HNRNPD: variants seen among roughly 807,000 people sequenced by gnomAD.
The protein encoded by HNRNPD is heterogeneous nuclear ribonucleoprotein D.
A neutral mutation model predicts 47.9 loss-of-function variants in HNRNPD; 3 were observed. The observed-to-expected ratio is 0.06, with a 90% CI of 0.03 to 0.16. The LOEUF (loss-of-function observed/expected upper bound fraction) is 0.16, where lower values mean the gene tolerates loss of function less well. HNRNPD is among the 10% of genes least tolerant of loss of function. The probability of loss-of-function intolerance (pLI) is 1.00; values close to 1 mark genes in which losing one functional copy is unlikely to be tolerated. For missense variants in HNRNPD, 287 were observed against 454.2 expected (o/e 0.63, Z 3.35); for synonymous variants, 171 against 165.1 (o/e 1.04, Z -0.28).
chr4:82,369,407 A>C (rs1719920455), intron 2 of HNRNPD, among the ~76,000 whole-genome samples: 2 of 152,238 alleles, frequency 1.3e-5, no homozygotes, highest in Non-Finnish European at 2.9e-5. Context: ...TGTAACAGGC[A>C]TGCCTTCCTA....
chr4:82,360,263 T>C (rs1723906217), intron 2 of HNRNPD, among the ~76,000 whole-genome samples: 1 of 152,142 alleles, frequency 6.6e-6, no homozygotes, highest in Non-Finnish European at 1.5e-5. Context: ...ATGATTCGTT[T>C]ACAGTAGAAC....
At chr4:82,361,304 C>T (rs1348796203) in intron 2 of HNRNPD, among the ~76,000 whole-genome samples, 1 of 152,126 alleles carries the variant, frequency 6.6e-6, no homozygotes, top group Non-Finnish European at 1.5e-5. Context: ...AAGTTATTTA[C>T]CAACATTCAC....
intron 8 of HNRNPD, chr4:82,355,007 G>A (rs759354802): frequency 1.4e-5 from 5 of 356,454 alleles, no homozygotes; most frequent in African/African-American, 4.3e-5. Flanking sequence ...TCCCGCTGGC[G>A]GGTACAAACA....
In HNRNPD at chr4:82,370,967, TAATGG is replaced by T. The variant is rs1363154667; in HGVS notation, c.290+556_290+560del. On this transcript the variant is annotated intron_variant, in intron 2 of 8. Transcript: ENST00000313899. The stretch of plus-strand genomic sequence containing the variant: ...TGGAAAGCCACATTAGCCCACCTTT[TAATGG>T]TATATATATACACACACACACACAC... Among the ~76,000 whole-genome samples the T allele has an allele frequency of 1.8e-5, 2 of 113,086 alleles. 1 individual carries two copies. The highest frequency in any genetic ancestry group is 7.3e-5 in the African/African-American group (2 of 27,494). 74.2% of individuals were successfully genotyped at this position (113,086 alleles called of 152,430 possible).
rs1448147862 is a variant in HNRNPD, at chr4:82,353,132, A to G, written c.*1053T>C. On this transcript the variant is annotated 3_prime_UTR_variant, in exon 9 of 9. Transcript: ENST00000313899. ...ACTCAAGAAGCTTCCAACAAATGACAGGAAAAACAATTCTGACTTAATCCT... is the reference window on the plus strand; with the variant it reads ...ACTCAAGAAGCTTCCAACAAATGACGGGAAAAACAATTCTGACTTAATCCT... 1 of 152,206 alleles carries G rather than the reference A, an allele frequency of 6.6e-6. No individual in the cohort carries two copies. The highest frequency in any genetic ancestry group is 1.5e-5 in the Non-Finnish European group (1 of 68,026). 9.4% of individuals were successfully genotyped at this position (152,206 alleles called of 1,614,324 possible).
rs1042635845 is a variant in HNRNPD, at chr4:82,352,774, T to TC, written c.*1410dup. 1 of 141,502 alleles carries TC rather than the reference T, an allele frequency of 7.1e-6. No individual in the cohort carries two copies. The highest frequency in any genetic ancestry group is 1.5e-5 in the Non-Finnish European group (1 of 65,774). 8.8% of individuals were successfully genotyped at this position (141,502 alleles called of 1,614,324 possible). ...CAATCTTATAAAAACAGGACACAGG[T>TC]CCTCAATTTGGATCTATCATAAAAA... On this transcript the variant is annotated 3_prime_UTR_variant, in exon 9 of 9. Coordinates refer to ENST00000313899, the MANE Select transcript of HNRNPD (RefSeq NM_031370.3).
chr4:82,356,172 CAT>C (rs1351884639), intron 7 of HNRNPD: 4 of 171,730 alleles, frequency 2.3e-5, no homozygotes, highest in Non-Finnish European at 3.7e-5. Flanking sequence ...TAACTGGCAA[CAT>C]GTGGTATTAT....
intron 3 of HNRNPD, 82 bp from the exon 4 acceptor site, chr4:82,358,902 T>C: frequency 3.0e-6 from 3 of 995,064 alleles, no homozygotes; most frequent in South Asian, 3.4e-5. Context: ...AAAATAACTA[T>C]AAATACAGAT....
At chr4:82,371,055 T>C (rs531447272) in intron 2 of HNRNPD, among the ~76,000 whole-genome samples, 57 of 152,180 alleles carry the variant, frequency 3.7e-4, no homozygotes, top group South Asian at 8.3e-4. Context: ...GACAAACATT[T>C]TTCCATAATA....
chr4:82,358,323 C>A lies in HNRNPD; in HGVS notation c.621+336G>T, dbSNP rs1011174611. On this transcript the variant is annotated intron_variant, in intron 4 of 8. Coordinates refer to ENST00000313899, the MANE Select transcript of HNRNPD (RefSeq NM_031370.3). ...ATGCATTTCAACTGATAAGGCACTA[C>A]ACCCTATTCTTAATTCCTTTCCTAT... 4 of 208,746 alleles carry A rather than the reference C, an allele frequency of 1.9e-5. No homozygotes were observed. In the East Asian group the frequency reaches 5.0e-4, roughly 26 times the overall value. The allele number at this position is 208,746 out of a possible 1,614,324, so 12.9% of individuals were successfully genotyped here. A position where few individuals can be genotyped will look rare whatever the true frequency, so the allele number is the denominator to read the frequency against.
At position 82,356,543 on chromosome 4, in the gene HNRNPD, A is replaced by G; in HGVS notation, c.994T>C (p.Tyr332His). Residue 332 changes from tyrosine to histidine, a missense_variant, in exon 7 of 9, where the codon TAT becomes CAT. Tyr to His is a moderately conservative substitution (Grantham distance 83, BLOSUM62 2). Around this residue, in one of 5 missense-constraint regions of HNRNPD, gnomAD observed 65 missense variants for 107.1 expected, o/e 0.61. Transcript: ENST00000313899. ...GYNNYYGYGD[Y>H]SNQQSGYGKV... ...TAAAAAGTATAGTACTTACTGCTAT[A>G]ATCACCATATCCATAGTAGTTGTTG... is the stretch of plus-strand genomic sequence containing the variant. 1 of 1,605,634 alleles carries G rather than the reference A, an allele frequency of 6.2e-7. No individual in the cohort carries two copies. The highest frequency in any genetic ancestry group is 8.5e-7 in the Non-Finnish European group (1 of 1,174,494).
At position 82,373,484 on chromosome 4, in the gene HNRNPD, C is replaced by G. The variant is rs1720224768; in HGVS notation, c.195G>C (p.Gly65=). The G allele has an allele frequency of 6.4e-7, 1 of 1,556,580 alleles. No homozygotes were observed. Among genetic ancestry groups the G allele is most frequent in the Non-Finnish European group, 8.7e-7 (1 of 1,149,526 alleles). ...GTEGGSAESE[G]AKIDASKNEE... is the part of the protein sequence containing the mutation. ...CGTTCTTACTGGCGTCAATCTTCGC[C>G]CCCTCCGACTCGGCGCTGCCCCCTT... Residue 65 remains glycine (G), a synonymous_variant, in exon 1 of 9, where the codon GGG becomes GGC. Coordinates refer to ENST00000313899, the MANE Select transcript of HNRNPD (RefSeq NM_031370.3).
chr4:82,365,829 G>A (rs969782581), intron 2 of HNRNPD, among the ~76,000 whole-genome samples: 5 of 133,950 alleles, frequency 3.7e-5, no homozygotes, highest in Non-Finnish European at 7.6e-5. Context: ...TGCCCAGGCT[G>A]GTCTGGAACT....
chr4:82,373,460 G>A lies in HNRNPD; in HGVS notation c.219C>T (p.Asn73=), dbSNP rs1720219381. The A allele has an allele frequency of 2.5e-6, 4 of 1,570,778 alleles. No homozygotes were observed. The highest frequency in any genetic ancestry group is 2.6e-6 in the Non-Finnish European group (3 of 1,156,866). ...SEGAKIDASK[N]EEDEGHSNSS... Reference sequence around the variant, plus strand: ...CCCTTACTCACCCTTCATCCTCCTCGTTCTTACTGGCGTCAATCTTCGCCC... The same window carrying A: ...CCCTTACTCACCCTTCATCCTCCTCATTCTTACTGGCGTCAATCTTCGCCC... The change falls in exon 1 of 9, where the codon AAC becomes AAT. Residue 73 remains asparagine (N), a synonymous_variant. Coordinates refer to ENST00000313899, the MANE Select transcript of HNRNPD (RefSeq NM_031370.3).
chr4:82,358,857 TCTTAA>T (rs1342552705), intron 3 of HNRNPD, 37 bp from the exon 4 acceptor site: 2 of 1,449,202 alleles, frequency 1.4e-6, no homozygotes, highest in Non-Finnish European at 1.9e-6. Flanking sequence ...AAAATATATA[TCTTAA>T]CTGAAGTTCA....
chr4:82,369,087 CACA>C (rs1204396646), intron 2 of HNRNPD, among the ~76,000 whole-genome samples: 1 of 152,214 alleles, frequency 6.6e-6, no homozygotes, highest in African/African-American at 2.4e-5. Flanking sequence ...TCAAAGTTAA[CACA>C]ACATTGTAGT....
chr4:82,363,812 G>T (rs927443968), intron 2 of HNRNPD, among the ~76,000 whole-genome samples: 1 of 152,172 alleles, frequency 6.6e-6, no homozygotes, highest in African/African-American at 2.4e-5. Context: ...CCACCAAATT[G>T]TAAAATTAAA....
chr4:82,361,658 AT>A (rs1448680941), intron 2 of HNRNPD, among the ~76,000 whole-genome samples: 1 of 152,244 alleles, frequency 6.6e-6, no homozygotes, highest in Non-Finnish European at 1.5e-5. Context: ...AATACCCTTA[AT>A]TTAAAATTAT....
intron 5 of HNRNPD, 54 bp from the exon 6 acceptor site, chr4:82,356,949 A>G (rs1723737174): frequency 6.9e-7 from 1 of 1,458,114 alleles, no homozygotes; most frequent in African/African-American, 1.4e-5. Flanking sequence ...AAAGTTGCTA[A>G]ATAAGTTTCT....
Sources: gnomAD v4.1 joint callset for allele counts (sites outside exome capture counted in the v4.1 genomes callset) on GRCh38, gnomAD v4.1.1 for gene constraint, gnomAD v4.1.1 regional missense constraint, MANE v1.5 for transcripts, NCBI Gene and HGNC (gene_info 2026-07-23, HGNC 2026-07-21) for gene names.